CELF2: variants seen among roughly 807,000 people sequenced by gnomAD.
CELF2 encodes CUG triplet repeat RNA-binding protein 2.
Under a neutral mutation model 62.6 loss-of-function variants are expected in CELF2, and 8 were observed. The ratio of observed to expected loss-of-function variants is 0.13; its 90% confidence interval spans 0.07 to 0.23. The LOEUF is 0.23. CELF2 is among the 10% of genes least tolerant of loss of function. The pLI is 1.00. For missense variants in CELF2, 333 were observed against 671.0 expected (o/e 0.50, Z 5.56); for synonymous variants, 258 against 250.0 (o/e 1.03, Z -0.30).
At chr10:11,320,830 T>G in intron 10 of CELF2, 1 of 1,440,752 alleles carries the variant, frequency 6.9e-7, no homozygotes, top group Non-Finnish European at 9.3e-7. Context: ...ACTAAGGTTT[T>G]TTTTTTTTTT....
chr10:10,964,129 A>G (rs909384104), intron 2 of CELF2, among the ~76,000 whole-genome samples: 2 of 152,152 alleles, frequency 1.3e-5, no homozygotes, highest in Non-Finnish European at 2.9e-5. Flanking sequence ...AGATAACACT[A>G]TTTTGCAATT....
intron 1 of CELF2, chr10:11,096,341 G>T (rs892330558): frequency 3.9e-5 from 6 of 152,196 alleles, no homozygotes; most frequent in Non-Finnish European, 7.3e-5. Context: ...AGGGAAGGGA[G>T]TCCGTCGTTT....
chr10:10,572,818 C>T, the CELF2 span, among the ~76,000 whole-genome samples: 2 of 152,116 alleles, frequency 1.3e-5, no homozygotes, highest in Non-Finnish European at 2.9e-5. Flanking sequence ...CTGCAATGAA[C>T]ATACGTGTAC....
intron 1 of CELF2, among the ~76,000 whole-genome samples, chr10:11,068,970 TTCTG>T (rs1321009099): frequency 6.6e-6 from 1 of 152,180 alleles, no homozygotes; most frequent in Admixed American, 6.5e-5. Flanking sequence ...TAGTGGTCTT[TTCTG>T]TATCTTGAAA....
chr10:10,952,254 C>A (rs183301540), intron 2 of CELF2: 1 of 152,322 alleles, frequency 6.6e-6, no homozygotes, highest in South Asian at 2.1e-4. Context: ...ATCCTTCCCC[C>A]CTGAAGTTCC....
intron 1 of CELF2, among the ~76,000 whole-genome samples, chr10:11,026,418 G>C (rs147908018): frequency 6.6e-6 from 1 of 152,154 alleles, no homozygotes; most frequent in Non-Finnish European, 1.5e-5. Context: ...TTTGGAACTC[G>C]GGGGGAAGAC....
the CELF2 span, among the ~76,000 whole-genome samples, chr10:10,653,895 CA>C: frequency 1.3e-5 from 2 of 151,598 alleles, no homozygotes; most frequent in Non-Finnish European, 2.9e-5. Flanking sequence ...AATAGAGACA[CA>C]AAAAACCCTT....
intron 1 of CELF2, among the ~76,000 whole-genome samples, chr10:10,806,292 A>G (rs1295096763): frequency 6.8e-6 from 1 of 146,082 alleles, no homozygotes; most frequent in Non-Finnish European, 1.5e-5. Flanking sequence ...GCAACCTCTT[A>G]CTCCCTGGTT....
chr10:10,713,289 C>T, the CELF2 span, among the ~76,000 whole-genome samples: 4 of 152,188 alleles, frequency 2.6e-5, no homozygotes, highest in African/African-American at 7.2e-5. Flanking sequence ...TTTATGTACG[C>T]ATTGCTTGTT....
chr10:10,940,257 G>GT (rs376873959), intron 2 of CELF2, among the ~76,000 whole-genome samples: 2 of 152,032 alleles, frequency 1.3e-5, no homozygotes, highest in African/African-American at 4.8e-5. Flanking sequence ...TGTTTTGTTT[G>GT]TTTTTTTACA....
chr10:11,135,510 AT>A (rs2060289507), intron 1 of CELF2, among the ~76,000 whole-genome samples: 1 of 152,240 alleles, frequency 6.6e-6, no homozygotes, highest in African/African-American at 2.4e-5. Context: ...TTTTCTAAAA[AT>A]TAAAGCAATT....
chr10:11,165,811 G>C lies in CELF2; in HGVS notation c.271+129G>C. 1.2e-6 allele frequency: 1 copy of C among 866,052 alleles called. No individual in the cohort carries two copies. Among genetic ancestry groups the C allele is most frequent in the Admixed American group, 2.9e-5 (1 of 34,526 alleles). 53.6% of individuals were successfully genotyped at this position (866,052 alleles called of 1,614,324 possible). ...AGGGCTGGAAGCAGCCGGTGCTGGC[G>C]GCCCCTGTGCTCCAGGGGCTGCTCC... On this transcript the variant is annotated intron_variant, in intron 2 of 12. Coordinates refer to ENST00000633077, the MANE Select transcript of CELF2 (RefSeq NM_001326342.2). This position sits in a 1 kb window ranked among gnomAD's most constrained non-coding sequence, Gnocchi z 7.4.
chr10:10,670,684 G>A, the CELF2 span, among the ~76,000 whole-genome samples: 1 of 152,148 alleles, frequency 6.6e-6, no homozygotes, highest in African/African-American at 2.4e-5. Flanking sequence ...ATAATGACAT[G>A]TATTCATCAT....
chr10:10,817,464 C>T (rs2056572884), intron 1 of CELF2, among the ~76,000 whole-genome samples: 1 of 152,136 alleles, frequency 6.6e-6, no homozygotes, highest in Non-Finnish European at 1.5e-5. Context: ...CAGCTTCCCC[C>T]AACCCCCGCA....
chr10:11,005,477 T>G lies in CELF2; in HGVS notation c.53+37T>G. On this transcript the variant is annotated intron_variant, in intron 1 of 12. Transcript: ENST00000416382. This position sits in a 1 kb window ranked among gnomAD's most constrained non-coding sequence, Gnocchi z 4.3. ...TGTCCTTTGTTTTTAATGCACGCTT[T>G]TCTAGTTTCTAGAGCTGGCTGAGAC... The G allele has an allele frequency of 6.2e-7, 1 of 1,613,812 alleles. No homozygotes were observed. Among genetic ancestry groups the G allele is most frequent in the Non-Finnish European group, 8.5e-7 (1 of 1,179,764 alleles).
At chr10:11,026,600 A>G (rs192982858) in intron 1 of CELF2, among the ~76,000 whole-genome samples, 1 of 152,220 alleles carries the variant, frequency 6.6e-6, no homozygotes, top group African/African-American at 2.4e-5. Context: ...ACCCTGGCCT[A>G]GATTCAGTGT....
At chr10:10,836,732 T>C (rs1488144501) in intron 1 of CELF2, among the ~76,000 whole-genome samples, 1 of 152,138 alleles carries the variant, frequency 6.6e-6, no homozygotes, top group East Asian at 1.9e-4. Context: ...GCCTCCCAGG[T>C]TCAATTGATT....
chr10:11,024,508 G>A (rs995933904), intron 1 of CELF2, among the ~76,000 whole-genome samples: 2 of 152,134 alleles, frequency 1.3e-5, no homozygotes, highest in African/African-American at 4.8e-5. Context: ...GGCTGAGGGG[G>A]GAGGATCGCC....
At chr10:10,594,974 G>A in the CELF2 span, among the ~76,000 whole-genome samples, 24 of 152,320 alleles carry the variant, frequency 1.6e-4, no homozygotes, top group African/African-American at 5.8e-4. Flanking sequence ...AAATTCCAGA[G>A]GGTGGGCTGG....
Sources: allele counts gnomAD v4.1 joint callset (sites outside exome capture counted in the v4.1 genomes callset), GRCh38; gene constraint gnomAD v4.1.1; non-coding constraint Gnocchi (gnomAD v3.1); transcripts MANE v1.5; gene names NCBI Gene and HGNC (gene_info 2026-07-23, HGNC 2026-07-21).